ADGRL2: variants seen among roughly 807,000 people sequenced by gnomAD.
The protein encoded by ADGRL2 is adhesion G protein-coupled receptor L2.
ADGRL2 carries 44 observed loss-of-function variants against 157.4 expected under a neutral mutation model. The ratio of observed to expected loss-of-function variants is 0.28; its 90% CI spans 0.22 to 0.36. The LOEUF is 0.36. Among genes scored for constraint, ADGRL2 ranks in the 10% least tolerant of loss-of-function variants. The pLI is 1.00. For missense variants in ADGRL2, 1,510 were observed against 1,768.9 expected (o/e 0.85, Z 2.63); for synonymous variants, 585 against 624.7 (o/e 0.94, Z 0.95).
intron 2 of ADGRL2, among the ~76,000 whole-genome samples, chr1:81,533,938 G>A (rs1051140374): frequency 6.6e-6 from 1 of 151,992 alleles, no homozygotes; most frequent in African/African-American, 2.4e-5. Flanking sequence ...ACATAAAGAA[G>A]GAAAGCACCT....
intron 2 of ADGRL2, among the ~76,000 whole-genome samples, chr1:81,887,604 T>A (rs2094156453): frequency 6.6e-6 from 1 of 152,198 alleles, no homozygotes; most frequent in Non-Finnish European, 1.5e-5. Flanking sequence ...GGCTGCATGA[T>A]CCTAAAAATC....
intron 2 of ADGRL2, among the ~76,000 whole-genome samples, chr1:81,465,237 T>G (rs1392518259): frequency 1.3e-5 from 2 of 152,210 alleles, no homozygotes; most frequent in East Asian, 3.8e-4. Flanking sequence ...TATTCAGCAG[T>G]GTCAACTCAT....
intron 3 of ADGRL2, among the ~76,000 whole-genome samples, chr1:81,604,364 G>A (rs1293066631): frequency 1.3e-5 from 2 of 152,132 alleles, no homozygotes; most frequent in African/African-American, 2.4e-5. Context: ...CCCATGCGGG[G>A]CATTGTGTGG....
chr1:81,679,722 AGAG>A (rs1201246093), intron 3 of ADGRL2, among the ~76,000 whole-genome samples: 2 of 152,210 alleles, frequency 1.3e-5, no homozygotes, highest in Admixed American at 1.3e-4. Flanking sequence ...AAGAGAAGAT[AGAG>A]TTTAAACAAG....
chr1:81,312,096 C>T (rs111639333), intron 1 of ADGRL2, among the ~76,000 whole-genome samples: 48 of 152,250 alleles, frequency 3.2e-4, no homozygotes, highest in African/African-American at 1.1e-3. Flanking sequence ...GAAACTTTGG[C>T]TCTCCAGGAA....
At chr1:81,847,760 GTTT>G (rs977233073) in intron 2 of ADGRL2, among the ~76,000 whole-genome samples, 2 of 151,772 alleles carry the variant, frequency 1.3e-5, no homozygotes, top group African/African-American at 4.8e-5. Flanking sequence ...CAGAAACAGT[GTTT>G]TTAACAGCAT....
intron 2 of ADGRL2, among the ~76,000 whole-genome samples, chr1:81,845,869 T>C (rs2150388295): frequency 6.6e-6 from 1 of 152,074 alleles, no homozygotes; most frequent in African/African-American, 2.4e-5. Flanking sequence ...ACATTTGCAT[T>C]ATTGCACTCT....
At chr1:81,382,208 T>C (rs891280441) in intron 1 of ADGRL2, among the ~76,000 whole-genome samples, 1 of 152,198 alleles carries the variant, frequency 6.6e-6, no homozygotes, top group Admixed American at 6.5e-5. Flanking sequence ...CAGTTAGCAA[T>C]ACCTCAGCCC....
At chr1:81,550,826 G>GA (rs75371906) in intron 2 of ADGRL2, among the ~76,000 whole-genome samples, 16,763 of 136,564 alleles carry the variant, frequency 0.12, 906 homozygotes, top group South Asian at 0.14. Context: ...CCTCTTTACA[G>GA]AAAAAAAAAA....
intron 2 of ADGRL2, among the ~76,000 whole-genome samples, chr1:81,838,061 A>G (rs2092371875): frequency 6.6e-6 from 1 of 151,990 alleles, no homozygotes; most frequent in African/African-American, 2.4e-5. Context: ...AAGTGATCTC[A>G]CTTATACCGA....
intron 2 of ADGRL2, among the ~76,000 whole-genome samples, chr1:81,865,226 C>A (rs2093505869): frequency 6.6e-6 from 1 of 152,086 alleles, no homozygotes; most frequent in African/African-American, 2.4e-5. Flanking sequence ...TAATGTAGTT[C>A]TAACTGTTGA....
chr1:81,479,351 C>G (rs977370511), intron 2 of ADGRL2, among the ~76,000 whole-genome samples: 2 of 151,404 alleles, frequency 1.3e-5, no homozygotes, highest in Non-Finnish European at 2.9e-5. Flanking sequence ...GGTGTGGTGG[C>G]GGGCACCTGT....
chr1:81,733,949 A>G (rs1275053585), intron 1 of ADGRL2, among the ~76,000 whole-genome samples: 1 of 152,136 alleles, frequency 6.6e-6, no homozygotes, highest in Admixed American at 6.6e-5. Flanking sequence ...AAGCTTACCT[A>G]TATAACAAAG....
chr1:81,428,207 G>A (rs544957665), intron 1 of ADGRL2, among the ~76,000 whole-genome samples: 14 of 152,190 alleles, frequency 9.2e-5, no homozygotes, highest in South Asian at 2.1e-4. Flanking sequence ...GTGCTGACGT[G>A]TGGACAGAAT....
chr1:81,954,044 CT>C (rs1652683714), intron 10 of ADGRL2, among the ~76,000 whole-genome samples: 1 of 152,066 alleles, frequency 6.6e-6, no homozygotes, highest in Admixed American at 6.6e-5. Context: ...TAATAATGGT[CT>C]GAAAGTCCCC....
chr1:81,358,098 G>GA (rs201877552), intron 1 of ADGRL2, among the ~76,000 whole-genome samples: 1 of 107,002 alleles, frequency 9.3e-6, no homozygotes, highest in East Asian at 4.2e-4. Context: ...CAAGAATCAA[G>GA]CCCCCAGCGT....
chr1:81,942,604 G>C (rs1448313137), intron 5 of ADGRL2, among the ~76,000 whole-genome samples: 1 of 151,802 alleles, frequency 6.6e-6, no homozygotes, highest in African/African-American at 2.4e-5. Context: ...GGGTTGAAAG[G>C]TATAATGTTT....
chr1:81,382,528 C>CT (rs1322956906), intron 1 of ADGRL2, among the ~76,000 whole-genome samples: 2 of 151,748 alleles, frequency 1.3e-5, no homozygotes, highest in Non-Finnish European at 1.5e-5. Flanking sequence ...AGGTTATTTG[C>CT]TTTTTTAAAA....
At chr1:81,683,733 G>T (rs955564594) in intron 3 of ADGRL2, among the ~76,000 whole-genome samples, 2 of 152,006 alleles carry the variant, frequency 1.3e-5, no homozygotes, top group South Asian at 2.1e-4. Flanking sequence ...TGACCGATGG[G>T]CATTGGGGTT....
Sources: allele counts gnomAD v4.1 joint callset (sites outside exome capture counted in the v4.1 genomes callset), GRCh38; gene constraint gnomAD v4.1.1; transcripts MANE v1.5; gene names NCBI Gene and HGNC (gene_info 2026-07-23, HGNC 2026-07-21).